Variants in C1QTNF3 observed in about 807,000 individuals in gnomAD.
C1QTNF3 encodes the protein C1q and TNF related 3.
A neutral mutation model predicts 32.6 loss-of-function variants in C1QTNF3; 26 were observed. That is an observed-to-expected ratio of 0.80 (90% CI 0.58 to 1.11). The LOEUF (loss-of-function observed/expected upper bound fraction) is 1.11, where lower values mean the gene tolerates loss of function less well. C1QTNF3 is among the 50% of genes least tolerant of loss of function. The pLI is 0.00. For missense variants in C1QTNF3, 362 were observed against 398.2 expected, an observed-to-expected ratio of 0.91 and a Z score of 0.77; for synonymous variants, 155 against 146.0, an observed-to-expected ratio of 1.06 and a Z score of -0.44.
chr5:34,215,668 A>T, the C1QTNF3 span, among the ~76,000 whole-genome samples: 4 of 152,200 alleles, frequency 2.6e-5, no homozygotes, highest in African/African-American at 4.8e-5. Context: ...TTTTGGAGAC[A>T]GAGTCTTACT....
chr5:34,144,238 C>G, the C1QTNF3 span, among the ~76,000 whole-genome samples: 1 of 152,174 alleles, frequency 6.6e-6, no homozygotes, highest in Non-Finnish European at 1.5e-5. Context: ...AATATATATG[C>G]ACCCAACATT....
At chr5:34,206,253 A>G in the C1QTNF3 span, among the ~76,000 whole-genome samples, 1 of 141,820 alleles carries the variant, frequency 7.1e-6, no homozygotes, top group Middle Eastern at 4.0e-3. Flanking sequence ...GCAATACTGC[A>G]ACTGAATTAG....
In C1QTNF3 at chr5:34,033,309, G is replaced by C. The variant is rs1754662067; in HGVS notation, c.565C>G (p.Leu189Val). 2 of 1,613,742 alleles carry C rather than the reference G, an allele frequency of 1.2e-6. No homozygotes were observed. The highest frequency in any genetic ancestry group is 1.7e-6 in the Non-Finnish European group (2 of 1,179,852). ...ATGTACCGAGGATGGTTTACCTGAAGTTCTGGTGGAATCCCCGGGTAGCCC... is the reference window on the plus strand; with the variant it reads ...ATGTACCGAGGATGGTTTACCTGAACTTCTGGTGGAATCCCCGGGTAGCCC... The part of the protein sequence containing the change: ...EKGYPGIPPE[L>V]QIAFMASLAT... The change falls in exon 3 of 6, where the codon CTT becomes GTT. Residue 189 changes from leucine (L) to valine (V), a missense_variant. Coordinates refer to ENST00000382065, the MANE Select transcript of C1QTNF3 (RefSeq NM_181435.6).
At chr5:34,231,432 C>A in the C1QTNF3 span, among the ~76,000 whole-genome samples, 1 of 152,214 alleles carries the variant, frequency 6.6e-6, no homozygotes, top group African/African-American at 2.4e-5. Context: ...AGAAATACTT[C>A]ATACACAGCT....
Position 34,020,401 on chromosome 5 carries a change from T to C in C1QTNF3, c.*182A>G, listed in dbSNP as rs891361551. The C allele has an allele frequency of 3.1e-5, 21 of 676,144 alleles. No individual in the cohort carries two copies. Among genetic ancestry groups the C allele is most frequent in the Non-Finnish European group, 4.5e-5 (18 of 401,060 alleles). The allele number at this position is 676,144 out of a possible 1,614,324, so 41.9% of individuals were successfully genotyped here. ...GTCATCTGAGAAGACTATTTTGTGG[T>C]TGATTCTTCTGAGCCCCTGAATTGT... is the stretch of plus-strand genomic sequence containing the variant. On this transcript the variant is annotated 3_prime_UTR_variant, in exon 6 of 6. Coordinates refer to ENST00000382065, the MANE Select transcript of C1QTNF3 (RefSeq NM_181435.6).
chr5:34,170,787 G>A, the C1QTNF3 span, among the ~76,000 whole-genome samples: 5 of 151,980 alleles, frequency 3.3e-5, no homozygotes, highest in African/African-American at 1.2e-4. Flanking sequence ...GTTAAACAGT[G>A]TCCACCTTAT....
the C1QTNF3 span, among the ~76,000 whole-genome samples, chr5:34,080,394 T>C: frequency 2.9e-4 from 44 of 151,900 alleles, no homozygotes; most frequent in South Asian, 8.9e-3. Context: ...TGGTATTTAA[T>C]GCCAACGAGT....
the C1QTNF3 span, among the ~76,000 whole-genome samples, chr5:34,162,462 A>G: frequency 6.6e-6 from 1 of 152,158 alleles, no homozygotes; most frequent in African/African-American, 2.4e-5. Context: ...TTTCCAACAC[A>G]TAAACTTTGG....
the C1QTNF3 span, among the ~76,000 whole-genome samples, chr5:34,054,577 T>C: frequency 6.6e-6 from 1 of 152,240 alleles, no homozygotes; most frequent in Non-Finnish European, 1.5e-5. Flanking sequence ...GGCCATAATT[T>C]GCAGACCACT....
chr5:34,132,831 T>A, the C1QTNF3 span, among the ~76,000 whole-genome samples: 2 of 152,184 alleles, frequency 1.3e-5, no homozygotes, highest in Non-Finnish European at 2.9e-5. Flanking sequence ...CATTCAAATA[T>A]AATCTGGAAT....
the C1QTNF3 span, among the ~76,000 whole-genome samples, chr5:34,055,640 G>A: frequency 6.6e-6 from 1 of 152,208 alleles, no homozygotes; most frequent in Non-Finnish European, 1.5e-5. Flanking sequence ...GCTGTAGAAG[G>A]ATTTTCAATT....
chr5:34,052,090 T>A, the C1QTNF3 span, among the ~76,000 whole-genome samples: 1 of 152,266 alleles, frequency 6.6e-6, no homozygotes, highest in East Asian at 1.9e-4. Context: ...GTGAGCCAAG[T>A]TCGCGCCACA....
At chr5:34,123,633 T>C in the C1QTNF3 span, among the ~76,000 whole-genome samples, 168 of 133,246 alleles carry the variant, frequency 1.3e-3, 1 homozygote, top group African/African-American at 4.4e-3. Context: ...TTTTTTTTTT[T>C]CTTTGTGCTT....
the C1QTNF3 span, among the ~76,000 whole-genome samples, chr5:34,121,490 A>G: frequency 6.6e-6 from 1 of 152,100 alleles, no homozygotes; most frequent in Non-Finnish European, 1.5e-5. Context: ...CCCCTGATAA[A>G]ACCATCAGAT....
chr5:34,155,771 G>A, the C1QTNF3 span, among the ~76,000 whole-genome samples: 1 of 151,930 alleles, frequency 6.6e-6, no homozygotes, highest in East Asian at 1.9e-4. Context: ...AATCTTGACT[G>A]TTGTTTTACA....
chr5:34,041,822 A>G (rs532026515), intron 1 of C1QTNF3, among the ~76,000 whole-genome samples: 1 of 152,150 alleles, frequency 6.6e-6, no homozygotes, highest in African/African-American at 2.4e-5. Flanking sequence ...GTCTGACCAT[A>G]TAACCAAACA....
the C1QTNF3 span, among the ~76,000 whole-genome samples, chr5:34,113,517 C>G: frequency 1.3e-5 from 2 of 151,870 alleles, no homozygotes; most frequent in Non-Finnish European, 2.9e-5. Flanking sequence ...ATATATATAT[C>G]AGAGAATTAT....
At chr5:34,132,182 T>C in the C1QTNF3 span, among the ~76,000 whole-genome samples, 1 of 151,354 alleles carries the variant, frequency 6.6e-6, no homozygotes, top group South Asian at 2.1e-4. Flanking sequence ...AGGTCAGGAG[T>C]TGAAGACCAG....
At chr5:34,068,847 A>G in the C1QTNF3 span, among the ~76,000 whole-genome samples, 1 of 152,196 alleles carries the variant, frequency 6.6e-6, no homozygotes, top group African/African-American at 2.4e-5. Flanking sequence ...GTCCTAGTTT[A>G]TCTATGTCAC....
Sources: allele counts gnomAD v4.1 joint callset (sites outside exome capture counted in the v4.1 genomes callset), GRCh38; gene constraint gnomAD v4.1.1; transcripts MANE v1.5; gene names NCBI Gene and HGNC (gene_info 2026-07-23, HGNC 2026-07-21).